Variants in NRXN3 observed in about 807,000 individuals in gnomAD.
The protein encoded by NRXN3 is neurexin III.
A neutral mutation model predicts 137.6 loss-of-function variants in NRXN3; 32 were observed. The ratio of observed to expected loss-of-function variants is 0.23; its 90% confidence interval spans 0.18 to 0.31. The LOEUF is 0.31. NRXN3 is among the 10% of genes least tolerant of loss of function. NRXN3 has a pLI of 1.00. For synonymous variants in NRXN3, 798 were observed against 784.5 expected, an observed-to-expected ratio of 1.02 and a Z score of -0.29; for missense variants, 1,574 against 2,062.5, an observed-to-expected ratio of 0.76 and a Z score of 4.59.
chr14:78,552,485 T>C (rs939975259), intron 4 of NRXN3, among the ~76,000 whole-genome samples: 1 of 152,168 alleles, frequency 6.6e-6, no homozygotes, highest in African/African-American at 2.4e-5. Context: ...TCTCAGACAC[T>C]GGCATGAAGT....
intron 4 of NRXN3, among the ~76,000 whole-genome samples, chr14:78,613,504 T>C (rs1334580245): frequency 6.6e-6 from 1 of 151,224 alleles, no homozygotes; most frequent in Non-Finnish European, 1.5e-5. Flanking sequence ...GAGGCAACTG[T>C]GAATCTCAAG....
chr14:79,703,668 C>T (rs2098764288), intron 19 of NRXN3, among the ~76,000 whole-genome samples: 1 of 151,958 alleles, frequency 6.6e-6, no homozygotes, highest in African/African-American at 2.4e-5. Flanking sequence ...GTCCCTCCCT[C>T]TACATGTGCG....
chr14:78,252,892 T>C (rs1413858458), intron 2 of NRXN3, among the ~76,000 whole-genome samples: 1 of 152,238 alleles, frequency 6.6e-6, no homozygotes, highest in Non-Finnish European at 1.5e-5. Flanking sequence ...AGATCACTTC[T>C]TTGTGATCCA....
chr14:78,969,525 A>T (rs2153005467), intron 14 of NRXN3, among the ~76,000 whole-genome samples: 1 of 152,306 alleles, frequency 6.6e-6, no homozygotes, highest in East Asian at 1.9e-4. Context: ...TTAATTTACC[A>T]CATCAAATCT....
chr14:78,581,961 T>C, intron 4 of NRXN3, among the ~76,000 whole-genome samples: 1 of 152,254 alleles, frequency 6.6e-6, no homozygotes. Context: ...TTCATTAATA[T>C]CTGTTTGTAC....
At chr14:78,909,922 C>T (rs564661685) in intron 10 of NRXN3, among the ~76,000 whole-genome samples, 50 of 152,110 alleles carry the variant, frequency 3.3e-4, no homozygotes, top group Non-Finnish European at 5.7e-4. Context: ...CTACTATCCA[C>T]CTACCTACCA....
intron 8 of NRXN3, among the ~76,000 whole-genome samples, chr14:78,781,938 A>G (rs1018613035): frequency 2.6e-5 from 4 of 152,204 alleles, no homozygotes; most frequent in Non-Finnish European, 4.4e-5. Context: ...ATCTTCCCAA[A>G]TACATATTTC....
intron 17 of NRXN3, 41 bp downstream of exon 17, chr14:79,663,990 T>C (rs1179016153): frequency 6.3e-7 from 1 of 1,594,414 alleles, no homozygotes; most frequent in South Asian, 1.1e-5. Flanking sequence ...TTTTTGACTC[T>C]CCCATTCTCA....
chr14:78,874,863 G>C (rs896998889), intron 10 of NRXN3, among the ~76,000 whole-genome samples: 1 of 152,220 alleles, frequency 6.6e-6, no homozygotes, highest in Non-Finnish European at 1.5e-5. Flanking sequence ...AATGCAAGAA[G>C]AGTCACCTTG....
chr14:78,437,353 T>C (rs897192140), intron 4 of NRXN3, among the ~76,000 whole-genome samples: 2 of 151,244 alleles, frequency 1.3e-5, no homozygotes, highest in African/African-American at 4.8e-5. Context: ...TTTTCTTTTT[T>C]TTTTTTTATT....
intron 4 of NRXN3, among the ~76,000 whole-genome samples, chr14:78,599,727 C>A (rs149895487): frequency 7.6e-4 from 115 of 152,288 alleles, no homozygotes; most frequent in African/African-American, 2.7e-3. Flanking sequence ...TCAAAAATTT[C>A]TTTAGCTTTA....
intron 16 of NRXN3, among the ~76,000 whole-genome samples, chr14:79,586,302 GA>G (rs1338735717): frequency 2.0e-5 from 3 of 152,168 alleles, no homozygotes; most frequent in African/African-American, 7.2e-5. Flanking sequence ...TATTTTATCA[GA>G]ATGTTAGATG....
chr14:79,763,637 G>A (rs1188397675), intron 19 of NRXN3, among the ~76,000 whole-genome samples: 2 of 121,204 alleles, frequency 1.7e-5, no homozygotes, highest in African/African-American at 7.5e-5. Context: ...GACCCTGGCA[G>A]ATGTGATGTC....
At chr14:79,490,271 A>G (rs958857848) in intron 16 of NRXN3, among the ~76,000 whole-genome samples, 3 of 152,148 alleles carry the variant, frequency 2.0e-5, no homozygotes, top group Non-Finnish European at 4.4e-5. Flanking sequence ...CTCAAAAACT[A>G]AAAAATTGAG....
intron 15 of NRXN3, among the ~76,000 whole-genome samples, chr14:79,390,123 C>G (rs1411136395): frequency 2.0e-5 from 3 of 152,002 alleles, no homozygotes; most frequent in Admixed American, 1.3e-4. Flanking sequence ...CCAGACCATC[C>G]TGGCTAACAC....
intron 15 of NRXN3, among the ~76,000 whole-genome samples, chr14:79,297,574 G>A: frequency 6.6e-6 from 1 of 152,098 alleles, no homozygotes; most frequent in African/African-American, 2.4e-5. Flanking sequence ...AATAAAATGA[G>A]TTTAAAAAAT....
At chr14:79,135,202 A>T (rs960134650) in intron 15 of NRXN3, among the ~76,000 whole-genome samples, 17 of 152,188 alleles carry the variant, frequency 1.1e-4, no homozygotes, top group African/African-American at 4.1e-4. Flanking sequence ...TGTATGTGGC[A>T]TGATGGTGTG....
intron 15 of NRXN3, among the ~76,000 whole-genome samples, chr14:79,357,168 A>G (rs1238875793): frequency 1.3e-5 from 2 of 152,198 alleles, no homozygotes; most frequent in Non-Finnish European, 2.9e-5. Context: ...GGGATATTAT[A>G]AATATTTGTA....
chr14:78,976,742 T>C (rs747657869), intron 14 of NRXN3, among the ~76,000 whole-genome samples: 11 of 152,210 alleles, frequency 7.2e-5, no homozygotes, highest in Non-Finnish European at 1.3e-4. Context: ...CTCCACATTA[T>C]ACGAGAGAGG....
Sources: gnomAD v4.1 joint callset for allele counts (sites outside exome capture counted in the v4.1 genomes callset) on GRCh38, gnomAD v4.1.1 for gene constraint, MANE v1.5 for transcripts, NCBI Gene and HGNC (gene_info 2026-07-23, HGNC 2026-07-21) for gene names.